GATA5: variants seen among roughly 807,000 people sequenced by gnomAD.
The protein encoded by GATA5 is GATA binding protein 5, also known as transcription factor GATA-5.
GATA5 carries 27 observed loss-of-function variants against 35.0 expected under a neutral mutation model. The ratio of observed to expected loss-of-function variants is 0.77; its 90% confidence interval spans 0.57 to 1.06. The LOEUF is 1.06. Ranked by LOEUF, GATA5 falls within the 50% of genes least tolerant of loss-of-function variation. The pLI is 0.00. For synonymous variants in GATA5, 306 were observed against 267.8 expected, an observed-to-expected ratio of 1.14 and a Z score of -1.39; for missense variants, 612 against 580.0, an observed-to-expected ratio of 1.06 and a Z score of -0.57.
At position 62,470,318 on chromosome 20, in the gene GATA5, G is replaced by C. The variant is rs1555896443; in HGVS notation, c.699+3085C>G. Among the ~76,000 whole-genome samples, 2 of 152,230 alleles carry C rather than the reference G, an allele frequency of 1.3e-5. No individual in the cohort carries two copies. Among genetic ancestry groups the C allele is most frequent in the African/African-American group, 4.8e-5 (2 of 41,466 alleles). On this transcript the variant is annotated intron_variant, in intron 3 of 6. Transcript: ENST00000252997. The surrounding 1 kb of genome is among the most constrained non-coding windows in gnomAD (Gnocchi z 4.6). ...AAGGTGCAGGTCACAGTGACCCGCA[G>C]TGCAGCAGCCTCCTCTGAGATGGAA...
In GATA5 at chr20:62,475,200, C is replaced by A; in HGVS notation, c.322G>T (p.Ala108Ser). ...TAGGCACTGCCGTCTCGGCCCCCCG[C>A]GCTGCCGCCGCTGCCGGGCCCCGAG... The part of the protein sequence containing the change: ...SPSGPGSGGS[A>S]GGRDGSAYQG... The change falls in exon 2 of 7, where the codon GCG (alanine) becomes TCG (serine). Residue 108 changes from alanine to serine, a missense_variant. Physicochemically the swap from Ala to Ser is moderately conservative, Grantham distance 99. Transcript: ENST00000252997. 1 of 1,255,560 alleles carries A rather than the reference C, an allele frequency of 8.0e-7. No individual in the cohort carries two copies. Among genetic ancestry groups the A allele is most frequent in the South Asian group, 3.2e-5 (1 of 31,496 alleles). The allele number at this position is 1,255,560 out of a possible 1,614,324, so 77.8% of individuals were successfully genotyped here.
Position 62,465,597 on chromosome 20 carries a change from G to T in GATA5, c.914-133C>A, listed in dbSNP as rs904382306. 21 of 1,267,746 alleles carry T rather than the reference G, an allele frequency of 1.7e-5. No homozygotes were observed. The Admixed American group carries it at 5.3e-4, about 32-fold the overall frequency. The allele number at this position is 1,267,746 out of a possible 1,614,324, so 78.5% of individuals were successfully genotyped here. The stretch of plus-strand genomic sequence containing the variant: ...TCCTCACGGTCACACCGCAGGCGTG[G>T]GTGGTGTGGCCGGGCGTGGCTTCTT... On this transcript the variant is annotated intron_variant, in intron 5 of 6. Coordinates refer to ENST00000252997, the MANE Select transcript of GATA5 (RefSeq NM_080473.5).
chr20:62,474,941 GT>G, intron 2 of GATA5, 57 bp downstream of exon 2: 1 of 1,251,908 alleles, frequency 8.0e-7, no homozygotes, highest in Non-Finnish European at 1.0e-6. Flanking sequence ...CAGGGTGCGG[GT>G]TTGCACCCGG....
chr20:62,475,640 G>T, intron 1 of GATA5, 98 bp from the exon 2 acceptor site: 1 of 803,350 alleles, frequency 1.2e-6, no homozygotes, highest in Non-Finnish European at 1.7e-6. Flanking sequence ...TTCGGGCAGC[G>T]CTTCCCAGTC....
chr20:62,474,387 C>T (rs895452727), intron 2 of GATA5, among the ~76,000 whole-genome samples: 16 of 152,252 alleles, frequency 1.1e-4, no homozygotes, highest in Non-Finnish European at 2.2e-4. Flanking sequence ...GCTGCGCCCG[C>T]TTCCTGCGCC....
rs566560000 is a variant in GATA5 at position 62,474,860 on chromosome 20, G to T, written c.523+139C>A. The T allele has an allele frequency of 3.2e-4, 211 of 650,662 alleles. No individual in the cohort carries two copies. The Middle Eastern group carries it at 8.5e-3, about 26-fold the overall frequency. The allele number at this position is 650,662 out of a possible 1,614,324, so 40.3% of individuals were successfully genotyped here. A position where few individuals can be genotyped will look rare whatever the true frequency, so the allele number is the denominator to read the frequency against. On this transcript the variant is annotated intron_variant, in intron 2 of 6. Coordinates refer to ENST00000252997, the MANE Select transcript of GATA5 (RefSeq NM_080473.5). ...GGTGTTACCCAGGTTTACTCGTCTCGCCCCGGGGCTGCTGGTGTCGCTCCT... is the reference window on the plus strand; with the variant it reads ...GGTGTTACCCAGGTTTACTCGTCTCTCCCCGGGGCTGCTGGTGTCGCTCCT...
Position 62,475,147 on chromosome 20 carries a change from C to T in GATA5, c.375G>A (p.Gln125=). 2.9e-6 allele frequency: 4 copies of T among 1,356,552 alleles called. No individual in the cohort carries two copies. The highest frequency in any genetic ancestry group is 2.9e-6 in the Non-Finnish European group (3 of 1,052,496). 84.0% of individuals were successfully genotyped at this position (1,356,552 alleles called of 1,614,324 possible). ...CCGGCCGCCCAAGCGGGGCCGCGAA[C>T]TGTTCTCGAGGCAACAGCGCGCCCT... ...AYQGALLPRE[Q]FAAPLGRPVG... The change falls in exon 2 of 7, where the codon CAG becomes CAA. Residue 125 remains glutamine, a synonymous_variant. Transcript: ENST00000252997.
chr20:62,463,856 C>CTGCCTGCCCCGCTCCTCCG lies in GATA5; in HGVS notation c.*979_*980insCGGAGGAGCGGGGCAGGCA, dbSNP rs1569042829. ...TGCCCCGCTCCTCTGCTCCCTGTGGCCTCCTGACATACATCACCGGCCATT... is the reference window on the plus strand; with the variant it reads ...TGCCCCGCTCCTCTGCTCCCTGTGGCTGCCTGCCCCGCTCCTCCGCTCCTGACATACATCACCGGCCATT... On this transcript the variant is annotated 3_prime_UTR_variant, in exon 7 of 7. Coordinates refer to ENST00000252997, the MANE Select transcript of GATA5 (RefSeq NM_080473.5). 5.9e-5 allele frequency: 9 copies of CTGCCTGCCCCGCTCCTCCG among 152,542 alleles called. No individual in the cohort carries two copies. The highest frequency in any genetic ancestry group is 1.2e-4 in the African/African-American group (5 of 41,480). The allele number at this position is 152,542 out of a possible 1,614,324, so 9.4% of individuals were successfully genotyped here. A position where few individuals can be genotyped will look rare whatever the true frequency, so the allele number is the denominator to read the frequency against.
In GATA5 at chr20:62,470,835, C is replaced by T. The variant is rs555028131; in HGVS notation, c.699+2568G>A. Among the ~76,000 whole-genome samples, 311 of 152,138 alleles carry T rather than the reference C, an allele frequency of 2.0e-3. No homozygotes were observed. The highest frequency in any genetic ancestry group is 7.1e-3 in the African/African-American group (295 of 41,500). ...GGGGAGAGGGCACGGTGGTCCCTAC[C>T]CTCCGAGGCCTCTGGTCTTGGCAAG... On this transcript the variant is annotated intron_variant, in intron 3 of 6. Coordinates refer to ENST00000252997, the MANE Select transcript of GATA5 (RefSeq NM_080473.5). This position sits in a 1 kb window ranked among gnomAD's most constrained non-coding sequence, Gnocchi z 4.6.
At chr20:62,473,302 A>T in intron 3 of GATA5, 101 bp downstream of exon 3, 1 of 1,355,858 alleles carries the variant, frequency 7.4e-7, no homozygotes, top group Non-Finnish European at 1.0e-6. Flanking sequence ...GACACTCCCT[A>T]CCCCCTACCC....
rs1008706470 is a variant in GATA5 at position 62,463,670 on chromosome 20, T to G, written c.*1166A>C. On this transcript the variant is annotated 3_prime_UTR_variant, in exon 7 of 7. Transcript: ENST00000252997. ...TGTTTTTCAATATGGGGTGGTGCAC[T>G]GGGGGTCTAGCTGGCTCACAATGTT... The G allele has an allele frequency of 1.3e-5, 2 of 152,174 alleles. No individual in the cohort carries two copies. Among genetic ancestry groups the G allele is most frequent in the African/African-American group, 4.8e-5 (2 of 41,428 alleles). 9.4% of individuals were successfully genotyped at this position (152,174 alleles called of 1,614,324 possible).
Position 62,465,932 on chromosome 20 carries a change from TGGCGAGGGTGGA to T in GATA5, c.826-23_826-12del. 1.9e-6 allele frequency: 3 copies of T among 1,569,072 alleles called. No individual in the cohort carries two copies. The highest frequency in any genetic ancestry group is 2.6e-6 in the Non-Finnish European group (3 of 1,156,084). The stretch of plus-strand genomic sequence containing the variant: ...CAGAGGCCGCGGCACCTGGCAGGGG[TGGCGAGGGTGGA>T]GGCTGGTCCCATCCCTGCTCACCCC... On this transcript the variant is annotated splice_polypyrimidine_tract_variant and intron_variant, in intron 4 of 6. Coordinates refer to ENST00000252997, the MANE Select transcript of GATA5 (RefSeq NM_080473.5).
intron 3 of GATA5, among the ~76,000 whole-genome samples, chr20:62,468,132 AGCCTCGGCTTCCCCGTCTGTTACAGCCT>A (rs1989637775): frequency 6.7e-6 from 1 of 149,812 alleles, no homozygotes; most frequent in African/African-American, 2.5e-5. Flanking sequence ...AGACACAGCC[AGCCTCGGCTTCCCCGTCTGTTACAGCCT>A]GCCTCGGTTT....
chr20:62,468,091 C>T (rs1463731090), intron 3 of GATA5, among the ~76,000 whole-genome samples: 1 of 147,728 alleles, frequency 6.8e-6, no homozygotes, highest in Admixed American at 6.7e-5. Context: ...TACAGCCCGC[C>T]TCGGTTTCCC....
At position 62,475,379 on chromosome 20, in the gene GATA5, C is replaced by G. The variant is rs869025434; in HGVS notation, c.143G>C (p.Gly48Ala). 7.6e-7 allele frequency: 1 copy of G among 1,316,116 alleles called. No homozygotes were observed. The highest frequency in any genetic ancestry group is 9.7e-7 in the Non-Finnish European group (1 of 1,033,918). 81.5% of individuals were successfully genotyped at this position (1,316,116 alleles called of 1,614,324 possible). The change falls in exon 2 of 7, where the codon GGG (glycine) becomes GCG (alanine). Residue 48 changes from glycine to alanine, a missense_variant. Coordinates refer to ENST00000252997, the MANE Select transcript of GATA5 (RefSeq NM_080473.5). ...RVPSMLSYLS[G>A]CEPSPQPPEL... ...GGGGGGCTGCGGGCTCGGCTCACACCCGGACAGGTAGGACAGCATCGAGGG... is the reference window on the plus strand; with the variant it reads ...GGGGGGCTGCGGGCTCGGCTCACACGCGGACAGGTAGGACAGCATCGAGGG...
chr20:62,472,160 G>A (rs1214662865), intron 3 of GATA5, among the ~76,000 whole-genome samples: 2 of 152,270 alleles, frequency 1.3e-5, no homozygotes, highest in African/African-American at 2.4e-5. Context: ...CAAGCCAAGA[G>A]GGGGATGGAC....
intron 3 of GATA5, 92 bp downstream of exon 3, chr20:62,473,311 C>T: frequency 1.4e-6 from 2 of 1,425,760 alleles, no homozygotes; most frequent in Non-Finnish European, 1.9e-6. Flanking sequence ...TACCCCCTAC[C>T]CCAGGGGCTC....
Position 62,465,937 on chromosome 20 carries a change from AG to A in GATA5, c.826-17del. The A allele has an allele frequency of 1.9e-6, 3 of 1,560,986 alleles. No homozygotes were observed. The highest frequency in any genetic ancestry group is 2.6e-6 in the Non-Finnish European group (3 of 1,149,992). On this transcript the variant is annotated splice_polypyrimidine_tract_variant and intron_variant, in intron 4 of 6. Coordinates refer to ENST00000252997, the MANE Select transcript of GATA5 (RefSeq NM_080473.5). ...GCCGCGGCACCTGGCAGGGGTGGCG[AG>A]GGTGGAGGCTGGTCCCATCCCTGCT...
In GATA5 at chr20:62,475,364, G is replaced by A. The variant is rs1159484648; in HGVS notation, c.158C>T (p.Pro53Leu). The stretch of plus-strand genomic sequence containing the variant: ...GCGCGCAGCGAGCTCGGGGGGCTGC[G>A]GGCTCGGCTCACACCCGGACAGGTA... ...LSYLSGCEPSPQPPELAARPG... is the reference protein window; with the variant it reads ...LSYLSGCEPSLQPPELAARPG... The change falls in exon 2 of 7, where the codon CCG (proline) becomes CTG (leucine). Residue 53 changes from proline (P) to leucine (L), a missense_variant. By Grantham distance (98) the Pro-to-Leu change is moderately conservative. Coordinates refer to ENST00000252997, the MANE Select transcript of GATA5 (RefSeq NM_080473.5). 1.3e-5 allele frequency: 17 copies of A among 1,267,096 alleles called. No homozygotes were observed. Among genetic ancestry groups the A allele is most frequent in the Non-Finnish European group, 1.6e-5 (16 of 1,005,664 alleles). 78.5% of individuals were successfully genotyped at this position (1,267,096 alleles called of 1,614,324 possible).
Sources: gnomAD v4.1 joint callset for allele counts (sites outside exome capture counted in the v4.1 genomes callset) on GRCh38, gnomAD v4.1.1 for gene constraint, Gnocchi (gnomAD v3.1) non-coding constraint, MANE v1.5 for transcripts, NCBI Gene and HGNC (gene_info 2026-07-23, HGNC 2026-07-21) for gene names.